Variants in ARHGAP40 observed in about 807,000 individuals in gnomAD.
The protein encoded by ARHGAP40 is Rho GTPase activating protein 40, also known as rho GTPase-activating protein 40.
ARHGAP40 carries 43 observed loss-of-function variants against 73.5 expected under a neutral mutation model. That is an observed-to-expected ratio of 0.58 (90% CI 0.46 to 0.75). ARHGAP40 has a LOEUF of 0.75. Among genes scored for constraint, ARHGAP40 ranks in the 30% least tolerant of loss-of-function variants. The pLI, the probability that ARHGAP40 is intolerant of heterozygous loss-of-function variation, is 0.00. For missense variants in ARHGAP40, 734 were observed against 861.8 expected (o/e 0.85, Z 1.86); for synonymous variants, 300 against 352.8 (o/e 0.85, Z 1.68).
At chr20:38,630,837 C>G (rs1190322038) in intron 5 of ARHGAP40, among the ~76,000 whole-genome samples, 1 of 152,184 alleles carries the variant, frequency 6.6e-6, no homozygotes, top group Non-Finnish European at 1.5e-5. Context: ...TGACTTCTCT[C>G]ATGGAGTAAA....
chr20:38,616,820 G>A (rs1276913327), intron 1 of ARHGAP40, among the ~76,000 whole-genome samples: 1 of 152,208 alleles, frequency 6.6e-6, no homozygotes, highest in Non-Finnish European at 1.5e-5. Context: ...GGATGCTTTG[G>A]CGTCTAGTGG....
chr20:38,623,666 G>A, intron 2 of ARHGAP40, 108 bp downstream of exon 2: 3 of 942,240 alleles, frequency 3.2e-6, no homozygotes, highest in Non-Finnish European at 2.8e-6. Context: ...CATTTTCTCT[G>A]TTGCCTGGAC....
intron 1 of ARHGAP40, chr20:38,615,048 G>T (rs2088826750): frequency 3.1e-6 from 3 of 957,732 alleles, no homozygotes; most frequent in Non-Finnish European, 5.2e-6. Flanking sequence ...CTTGGCATGT[G>T]CCTCCTGTTG....
rs189337219 is a variant in ARHGAP40 at position 38,646,283 on chromosome 20, G to A, written c.1710+96G>A. The A allele has an allele frequency of 2.0e-5, 23 of 1,177,108 alleles. No homozygotes were observed. In the African/African-American group the frequency reaches 3.4e-4, roughly 17 times the overall value. The allele number at this position is 1,177,108 out of a possible 1,614,324, so 72.9% of individuals were successfully genotyped here. A position where few individuals can be genotyped will look rare whatever the true frequency, so the allele number is the denominator to read the frequency against. The stretch of plus-strand genomic sequence containing the variant: ...TCCCTTCCTCCAGGTCCCCGCTACC[G>A]GGCTGCCAGCAACGGCCCAGTGAGG... On this transcript the variant is annotated intron_variant, in intron 12 of 14. Transcript: ENST00000373345. This position sits in a 1 kb window ranked among gnomAD's most constrained non-coding sequence, Gnocchi z 4.5.
rs149945298 is a variant in ARHGAP40 at position 38,645,325 on chromosome 20, A to C, written c.1570-722A>C. 4.0e-3 allele frequency among the ~76,000 whole-genome samples: 616 copies of C among 152,288 alleles called. 3 individuals carry two copies. Among genetic ancestry groups the C allele is most frequent in the Non-Finnish European group, 7.4e-3 (506 of 68,034 alleles). ...CCCTTTGAGATAATGTTGCTACTGAAAGACATTGGATTGTAATACTTCTTT... is the reference window on the plus strand; with the variant it reads ...CCCTTTGAGATAATGTTGCTACTGACAGACATTGGATTGTAATACTTCTTT... On this transcript the variant is annotated intron_variant, in intron 11 of 14. Transcript: ENST00000373345.
At chr20:38,623,011 G>A (rs796975894) in intron 1 of ARHGAP40, among the ~76,000 whole-genome samples, 104 of 152,308 alleles carry the variant, frequency 6.8e-4, no homozygotes, top group African/African-American at 2.3e-3. Context: ...TGAGATCCAC[G>A]AGACACTGCC....
At chr20:38,627,299 G>A in intron 3 of ARHGAP40, 84 bp downstream of exon 3, 1 of 1,192,456 alleles carries the variant, frequency 8.4e-7, no homozygotes, top group South Asian at 1.4e-5. Flanking sequence ...CAGTGATCCT[G>A]CTGAAGGGCT....
At chr20:38,641,522 A>G (rs781407192) in intron 9 of ARHGAP40, among the ~76,000 whole-genome samples, 1 of 152,340 alleles carries the variant, frequency 6.6e-6, no homozygotes, top group South Asian at 2.1e-4. Context: ...TACACAAAGT[A>G]TAGCGAGTGA....
intron 1 of ARHGAP40, among the ~76,000 whole-genome samples, chr20:38,613,047 G>A (rs761648825): frequency 6.6e-6 from 1 of 152,194 alleles, no homozygotes; most frequent in Non-Finnish European, 1.5e-5. Context: ...ACAGACCCAG[G>A]ATTATCATCT....
chr20:38,603,055 C>G (rs188798199), intron 1 of ARHGAP40, among the ~76,000 whole-genome samples: 22 of 152,314 alleles, frequency 1.4e-4, no homozygotes, highest in Admixed American at 5.2e-4. Flanking sequence ...CTGAATAGAC[C>G]CTGCCCTCCA....
At position 38,626,841 on chromosome 20, in the gene ARHGAP40, C is replaced by T. The variant is rs546824616; in HGVS notation, c.338-154C>T. Among the ~76,000 whole-genome samples, 23 of 152,286 alleles carry T rather than the reference C, an allele frequency of 1.5e-4. No individual in the cohort carries two copies. The South Asian group carries it at 2.7e-3, about 18-fold the overall frequency. ...AGAAGGCTCATTAGATCTTCTCCCC[C>T]GGAGAGTCTGGTTGGTGTTAATAGG... On this transcript the variant is annotated intron_variant, in intron 2 of 14. Coordinates refer to ENST00000373345, the Ensembl canonical transcript of ARHGAP40.
chr20:38,610,862 G>A (rs1475648506), intron 1 of ARHGAP40, among the ~76,000 whole-genome samples: 2 of 146,906 alleles, frequency 1.4e-5, no homozygotes, highest in African/African-American at 5.0e-5. Flanking sequence ...AGTCTGTTTT[G>A]TCAATCTTGT....
At chr20:38,610,612 C>T (rs574091436) in intron 1 of ARHGAP40, among the ~76,000 whole-genome samples, 7 of 152,274 alleles carry the variant, frequency 4.6e-5, no homozygotes, top group Admixed American at 1.3e-4. Flanking sequence ...CTGGAAAAGG[C>T]GGCATATCTT....
exon 15 of ARHGAP40, chr20:38,650,635 CACA>C (rs1184526465): frequency 6.4e-6 from 3 of 471,174 alleles, no homozygotes; most frequent in East Asian, 6.9e-5. Context: ...ACAGTAAAGG[CACA>C]ACAAGTTCAA....
chr20:38,643,145 CA>C (rs61492761), intron 10 of ARHGAP40, among the ~76,000 whole-genome samples: 3,505 of 133,342 alleles, frequency 0.026, 36 homozygotes, highest in Middle Eastern at 0.037. Context: ...GACTCTGACT[CA>C]AAAAAAAAAA....
At chr20:38,614,594 C>T (rs528343843) in intron 1 of ARHGAP40, among the ~76,000 whole-genome samples, 3 of 152,226 alleles carry the variant, frequency 2.0e-5, no homozygotes, top group South Asian at 2.1e-4. Flanking sequence ...CCCAAGGTGA[C>T]GGTTTCCATG....
chr20:38,609,451 A>G (rs544668414), intron 1 of ARHGAP40, among the ~76,000 whole-genome samples: 1 of 152,230 alleles, frequency 6.6e-6, no homozygotes, highest in Non-Finnish European at 1.5e-5. Context: ...TAAGTTTATT[A>G]ATCCTTCAAA....
intron 1 of ARHGAP40, among the ~76,000 whole-genome samples, chr20:38,610,242 C>T (rs970994627): frequency 6.6e-6 from 1 of 151,594 alleles, no homozygotes; most frequent in African/African-American, 2.4e-5. Flanking sequence ...GCTCCCCCCA[C>T]TGTGCCACCC....
intron 7 of ARHGAP40, among the ~76,000 whole-genome samples, chr20:38,638,461 C>T (rs2088991971): frequency 6.6e-6 from 1 of 152,106 alleles, no homozygotes; most frequent in Non-Finnish European, 1.5e-5. Flanking sequence ...TTCTTTTTAA[C>T]TTCTGAATCT....
Sources: gnomAD v4.1 joint callset for allele counts (sites outside exome capture counted in the v4.1 genomes callset) on GRCh38, gnomAD v4.1.1 for gene constraint, Gnocchi (gnomAD v3.1) non-coding constraint, MANE v1.5 for transcripts, NCBI Gene and HGNC (gene_info 2026-07-23, HGNC 2026-07-21) for gene names.